Variants in DNAJB6 observed in about 807,000 individuals in gnomAD.
DNAJB6 encodes the protein DnaJ heat shock protein family (Hsp40) member B6.
DNAJB6 carries 16 observed loss-of-function variants against 42.7 expected under a neutral mutation model. That is an observed-to-expected ratio of 0.37 (90% CI 0.25 to 0.57). DNAJB6 has a LOEUF of 0.57. Ranked by LOEUF, DNAJB6 falls within the 20% of genes least tolerant of loss-of-function variation. DNAJB6 has a pLI of 0.74. For missense variants in DNAJB6, 347 were observed against 416.8 expected, an observed-to-expected ratio of 0.83 and a Z score of 1.46; for synonymous variants, 170 against 163.5, an observed-to-expected ratio of 1.04 and a Z score of -0.30.
intron 8 of DNAJB6, among the ~76,000 whole-genome samples, chr7:157,392,837 C>T (rs1428737574): frequency 3.3e-5 from 5 of 152,160 alleles, no homozygotes; most frequent in Non-Finnish European, 7.3e-5. Context: ...GTGCACATTT[C>T]CTCATTGTAT....
At chr7:157,338,893 G>A (rs1331877795) in intron 1 of DNAJB6, among the ~76,000 whole-genome samples, 1 of 152,212 alleles carries the variant, frequency 6.6e-6, no homozygotes. Flanking sequence ...CATCTGTGCT[G>A]TGGAAGGTGA....
intron 9 of DNAJB6, chr7:157,415,575 C>T: frequency 5.3e-6 from 1 of 188,842 alleles, no homozygotes; most frequent in Non-Finnish European, 1.1e-5. Context: ...TGAAGGAGAG[C>T]CCAGGGTGGG....
intron 1 of DNAJB6, among the ~76,000 whole-genome samples, chr7:157,344,611 TAA>T (rs558630436): frequency 6.6e-6 from 1 of 152,014 alleles, no homozygotes; most frequent in African/African-American, 2.4e-5. Flanking sequence ...ATTTTTTATT[TAA>T]AAAAAAATTT....
At chr7:157,343,759 C>G (rs115406037) in intron 1 of DNAJB6, among the ~76,000 whole-genome samples, 3 of 152,086 alleles carry the variant, frequency 2.0e-5, no homozygotes, top group Non-Finnish European at 2.9e-5. Flanking sequence ...CTTTATGTGA[C>G]GTGTTTTTTT....
At chr7:157,346,074 A>G (rs531481528) in intron 1 of DNAJB6, among the ~76,000 whole-genome samples, 1 of 152,024 alleles carries the variant, frequency 6.6e-6, no homozygotes, top group African/African-American at 2.4e-5. Context: ...TGTAATGTGC[A>G]TTGAACACAC....
At chr7:157,350,185 C>T (rs1242255211) in intron 1 of DNAJB6, among the ~76,000 whole-genome samples, 1 of 152,170 alleles carries the variant, frequency 6.6e-6, no homozygotes, top group Non-Finnish European at 1.5e-5. Flanking sequence ...GGCAATTGGA[C>T]TGTCCCTGGA....
intron 8 of DNAJB6, among the ~76,000 whole-genome samples, chr7:157,392,345 T>G (rs984311758): frequency 6.6e-6 from 1 of 151,514 alleles, no homozygotes; most frequent in Non-Finnish European, 1.5e-5. Flanking sequence ...TTTAGCCTGC[T>G]GTGTTGAAAG....
In DNAJB6 at chr7:157,370,387, T is replaced by C. The variant is rs528610565; in HGVS notation, c.346+2904T>C. On this transcript the variant is annotated intron_variant, in intron 5 of 9. Coordinates refer to ENST00000262177, the MANE Select transcript of DNAJB6 (RefSeq NM_058246.4). ...AACATGATTATTAAACAGGACCTTCTTAACATTATTATTAAATGGGCCCTT... is the reference window on the plus strand; with the variant it reads ...AACATGATTATTAAACAGGACCTTCCTAACATTATTATTAAATGGGCCCTT... Among the ~76,000 whole-genome samples, 3 of 152,286 alleles carry C rather than the reference T, an allele frequency of 2.0e-5. No individual in the cohort carries two copies. The East Asian group carries it at 5.8e-4, about 29-fold the overall frequency.
chr7:157,384,319 C>T (rs769327069), intron 6 of DNAJB6, among the ~76,000 whole-genome samples: 13 of 152,170 alleles, frequency 8.5e-5, no homozygotes, highest in East Asian at 1.9e-4. Context: ...TTCTTATCCC[C>T]TGTGGTCCTG....
chr7:157,370,522 G>A (rs900985405), intron 5 of DNAJB6, among the ~76,000 whole-genome samples: 2 of 152,106 alleles, frequency 1.3e-5, no homozygotes, highest in African/African-American at 4.8e-5. Flanking sequence ...TGTTTTCCTT[G>A]GGGAAAATAA....
In DNAJB6 at chr7:157,385,524, G is replaced by A. The variant is rs761861390; in HGVS notation, c.621-17G>A. 1.2e-6 allele frequency: 2 copies of A among 1,608,730 alleles called. No individual in the cohort carries two copies. Among genetic ancestry groups the A allele is most frequent in the Non-Finnish European group, 1.7e-6 (2 of 1,178,472 alleles). ...TTCTTTACCAGAAAGGTTTTTAAAT[G>A]AATTTTTTTCCTACAGAATTGTCGA... is the stretch of plus-strand genomic sequence containing the variant. On this transcript the variant is annotated splice_polypyrimidine_tract_variant and intron_variant, in intron 7 of 9. Coordinates refer to ENST00000262177, the MANE Select transcript of DNAJB6 (RefSeq NM_058246.4).
At chr7:157,402,612 C>T (rs558082420) in intron 8 of DNAJB6, among the ~76,000 whole-genome samples, 22 of 152,340 alleles carry the variant, frequency 1.4e-4, no homozygotes, top group African/African-American at 4.3e-4. Context: ...CTGAGGGAGC[C>T]GGGTCCCAGG....
chr7:157,358,197 C>T (rs1328888698), intron 1 of DNAJB6, among the ~76,000 whole-genome samples: 2 of 152,196 alleles, frequency 1.3e-5, no homozygotes, highest in African/African-American at 4.8e-5. Context: ...AACTGACGTT[C>T]CCTGAGCACA....
chr7:157,397,287 C>G (rs557983591), intron 8 of DNAJB6, among the ~76,000 whole-genome samples: 13 of 152,350 alleles, frequency 8.5e-5, no homozygotes, highest in African/African-American at 3.1e-4. Context: ...CCTTGAACCT[C>G]TGTTGTGCAC....
In DNAJB6 at chr7:157,362,746, A is replaced by G. The variant is rs529314131; in HGVS notation, c.66-415A>G. 7.2e-5 allele frequency among the ~76,000 whole-genome samples: 11 copies of G among 152,188 alleles called. No individual in the cohort carries two copies. In the South Asian group the frequency reaches 1.7e-3, roughly 23 times the overall value. On this transcript the variant is annotated intron_variant, in intron 2 of 9. Coordinates refer to ENST00000262177, the MANE Select transcript of DNAJB6 (RefSeq NM_058246.4). ...TGGACACTGTGATCTTTATTTTTCT[A>G]TCTCTAGAGGTTCGTTTGTATTATG...
At position 157,393,065 on chromosome 7, in the gene DNAJB6, C is replaced by T. The variant is rs560144572; in HGVS notation, c.691+7454C>T. On this transcript the variant is annotated intron_variant, in intron 8 of 9. Coordinates refer to ENST00000262177, the MANE Select transcript of DNAJB6 (RefSeq NM_058246.4). ...CACGGCTGACTGCAACCCCTGCCTC[C>T]TGGGTTCAAGCGATTCTCCTGCCTC... Among the ~76,000 whole-genome samples the T allele has an allele frequency of 4.6e-5, 7 of 152,272 alleles. No homozygotes were observed. The South Asian group carries it at 1.0e-3, about 23-fold the overall frequency.
intron 1 of DNAJB6, among the ~76,000 whole-genome samples, chr7:157,338,036 TG>T (rs2116821995): frequency 6.6e-6 from 1 of 152,344 alleles, no homozygotes; most frequent in Admixed American, 6.5e-5. Context: ...AAGAGTAGGC[TG>T]AGCGGCGCTC....
chr7:157,406,873 C>T (rs1399448033), intron 8 of DNAJB6, among the ~76,000 whole-genome samples: 1 of 152,238 alleles, frequency 6.6e-6, no homozygotes, highest in African/African-American at 2.4e-5. Context: ...AATGCAAAAC[C>T]TCCCCCAGAG....
chr7:157,393,306 T>C (rs1801435147), intron 8 of DNAJB6, among the ~76,000 whole-genome samples: 1 of 152,184 alleles, frequency 6.6e-6, no homozygotes, highest in South Asian at 2.1e-4. Context: ...AATTGGAATA[T>C]CATATTTTTT....
Sources: gnomAD v4.1 joint callset for allele counts (sites outside exome capture counted in the v4.1 genomes callset) on GRCh38, gnomAD v4.1.1 for gene constraint, MANE v1.5 for transcripts, NCBI Gene and HGNC (gene_info 2026-07-23, HGNC 2026-07-21) for gene names.